ZNF136: variants seen among roughly 807,000 people sequenced by gnomAD.
ZNF136 encodes zinc finger protein 136.
ZNF136 carries 8 observed loss-of-function variants against 11.4 expected under a neutral mutation model. The ratio of observed to expected loss-of-function variants is 0.70; its 90% CI spans 0.41 to 1.27. The LOEUF is 1.27. ZNF136 is among the 50% of genes most tolerant of loss of function. The probability of loss-of-function intolerance (pLI) is 0.01; values close to 1 mark genes in which losing one functional copy is unlikely to be tolerated. For missense variants in ZNF136, 590 were observed against 656.5 expected (o/e 0.90, Z 1.11); for synonymous variants, 190 against 207.1 (o/e 0.92, Z 0.71).
chr19:12,187,558 TGTAAG>T lies in ZNF136; in HGVS notation c.1184_1188del (p.Lys395MetfsTer15). On this transcript the variant is annotated frameshift_variant, in exon 4 of 4. Transcript: ENST00000343979. LOFTEE classifies it low-confidence loss of function (END_TRUNC). Reference sequence around the variant, plus strand: ...ACATACTGGAGAAGGACCTTATAAATGTAAGGTATGTGGGAAACCCTTTCATTCTC... The same window carrying T: ...ACATACTGGAGAAGGACCTTATAAATGTATGTGGGAAACCCTTTCATTCTC... 2 of 1,614,046 alleles carry T rather than the reference TGTAAG, an allele frequency of 1.2e-6. No individual in the cohort carries two copies. The highest frequency in any genetic ancestry group is 1.7e-6 in the Non-Finnish European group (2 of 1,179,996).
At chr19:12,178,738 C>A (rs1295485261) in intron 1 of ZNF136, among the ~76,000 whole-genome samples, 2 of 151,952 alleles carry the variant, frequency 1.3e-5, no homozygotes, top group South Asian at 2.1e-4. Flanking sequence ...CGCCTGTAAT[C>A]CCAGTACTTT....
At position 12,177,951 on chromosome 19, in the gene ZNF136, T is replaced by C. The variant is rs988714687; in HGVS notation, c.4-7834T>C. Among the ~76,000 whole-genome samples the C allele has an allele frequency of 3.9e-5, 6 of 152,070 alleles. No individual in the cohort carries two copies. The South Asian group carries it at 8.3e-4, about 21-fold the overall frequency. Reference sequence around the variant, plus strand: ...GGCAAAACCTCATCTCTACCAAATATACAAAAAATTAGCTGAGCATTGTGG... The same window carrying C: ...GGCAAAACCTCATCTCTACCAAATACACAAAAAATTAGCTGAGCATTGTGG... On this transcript the variant is annotated intron_variant, in intron 1 of 3. Coordinates refer to ENST00000343979, the MANE Select transcript of ZNF136 (RefSeq NM_003437.5).
intron 1 of ZNF136, chr19:12,164,825 C>G (rs1242152175): frequency 6.6e-6 from 1 of 152,252 alleles, no homozygotes; most frequent in Non-Finnish European, 1.5e-5. Context: ...CAATCACCTT[C>G]TAACTCCCTG....
At chr19:12,177,397 C>T (rs1187386972) in intron 1 of ZNF136, among the ~76,000 whole-genome samples, 1 of 152,212 alleles carries the variant, frequency 6.6e-6, no homozygotes, top group Non-Finnish European at 1.5e-5. Context: ...GGCTGAAGTG[C>T]AGTGGCGCGA....
chr19:12,181,372 T>C (rs1175434862), intron 1 of ZNF136, among the ~76,000 whole-genome samples: 2 of 152,218 alleles, frequency 1.3e-5, no homozygotes, highest in Non-Finnish European at 2.9e-5. Context: ...AACTGCTAAA[T>C]TGTAGGTATA....
In ZNF136 at chr19:12,187,283, A is replaced by C. The variant is rs1310407463; in HGVS notation, c.905A>C (p.His302Pro). 6.2e-7 allele frequency: 1 copy of C among 1,614,172 alleles called. No individual in the cohort carries two copies. The highest frequency in any genetic ancestry group is 1.7e-5 in the Admixed American group (1 of 60,020). The change falls in exon 4 of 4, where the codon CAT becomes CCT. Residue 302 changes from histidine to proline, a missense_variant. By Grantham distance (77) the His-to-Pro change is moderately conservative (BLOSUM62 -2). Coordinates refer to ENST00000343979, the MANE Select transcript of ZNF136 (RefSeq NM_003437.5). ...SPTLRIHERTHTGEKPYECKQ... is the reference protein window; with the variant it reads ...SPTLRIHERTPTGEKPYECKQ... The stretch of plus-strand genomic sequence containing the variant: ...ACCTTACGAATACATGAAAGAACCC[A>C]TACTGGAGAGAAACCTTATGAATGC...
chr19:12,165,471 CA>C (rs1343202015), intron 1 of ZNF136, among the ~76,000 whole-genome samples: 1 of 152,192 alleles, frequency 6.6e-6, no homozygotes, highest in Non-Finnish European at 1.5e-5. Context: ...AGGTAGATTT[CA>C]GGGGGAAAGA....
At chr19:12,176,388 G>A (rs1345577068) in intron 1 of ZNF136, among the ~76,000 whole-genome samples, 3 of 151,880 alleles carry the variant, frequency 2.0e-5, no homozygotes, top group Non-Finnish European at 4.4e-5. Flanking sequence ...CTGCAGTGGC[G>A]GGATCTCGGC....
At chr19:12,173,300 CT>C (rs1379967555) in intron 1 of ZNF136, among the ~76,000 whole-genome samples, 2 of 152,150 alleles carry the variant, frequency 1.3e-5, no homozygotes, top group African/African-American at 4.8e-5. Flanking sequence ...AGTCCATACT[CT>C]TTTTGTCCAA....
intron 1 of ZNF136, among the ~76,000 whole-genome samples, chr19:12,181,497 G>C (rs1914941449): frequency 6.7e-6 from 1 of 149,766 alleles, no homozygotes; most frequent in Non-Finnish European, 1.5e-5. Context: ...TTTTTTGGTG[G>C]AGTCTCATTC....
chr19:12,178,948 C>T (rs757991927), intron 1 of ZNF136, among the ~76,000 whole-genome samples: 14 of 151,100 alleles, frequency 9.3e-5, no homozygotes, highest in Non-Finnish European at 1.6e-4. Context: ...GAGATCATGC[C>T]ACTGCACTCC....
At chr19:12,171,753 T>C (rs896019885) in intron 1 of ZNF136, among the ~76,000 whole-genome samples, 2 of 151,870 alleles carry the variant, frequency 1.3e-5, no homozygotes, top group Non-Finnish European at 2.9e-5. Context: ...TGGGGAAGGG[T>C]ACTCTTCTTG....
intron 1 of ZNF136, chr19:12,169,356 G>GAGGGAGCATTTCCACACTGAGA (rs1914577712): frequency 6.6e-6 from 1 of 152,290 alleles, no homozygotes. Flanking sequence ...GACCCTGGAG[G>GAGGGAGCATTTCCACACTGAGA]AGGGAGCATT....
At chr19:12,168,431 T>A (rs924395893) in intron 1 of ZNF136, among the ~76,000 whole-genome samples, 1 of 152,036 alleles carries the variant, frequency 6.6e-6, no homozygotes, top group African/African-American at 2.4e-5. Flanking sequence ...GTTCTGTTAA[T>A]GTAAAAATTC....
At chr19:12,182,703 C>T (rs1006410452) in intron 1 of ZNF136, among the ~76,000 whole-genome samples, 1 of 152,194 alleles carries the variant, frequency 6.6e-6, no homozygotes, top group African/African-American at 2.4e-5. Flanking sequence ...GAAAACCCAC[C>T]TCTGCCAGGT....
intron 1 of ZNF136, among the ~76,000 whole-genome samples, chr19:12,171,623 C>T (rs911776082): frequency 6.6e-6 from 1 of 151,836 alleles, no homozygotes; most frequent in Non-Finnish European, 1.5e-5. Flanking sequence ...ATAGGGATTG[C>T]TAATATTTTG....
chr19:12,186,741 C>G lies in ZNF136; in HGVS notation c.363C>G (p.Ile121Met), dbSNP rs570437034. The G allele has an allele frequency of 6.2e-7, 1 of 1,614,058 alleles. No homozygotes were observed. Among genetic ancestry groups the G allele is most frequent in the African/African-American group, 1.3e-5 (1 of 75,014 alleles). ...GTCAGTCATCCCTTAATAGACACAT[C>G]AAAGATCACAGTGGACATGAACCAA... ...SMGQSSLNRH[I>M]KDHSGHEPKE... is the part of the protein sequence containing the mutation. The change falls in exon 4 of 4, where the codon ATC (isoleucine) becomes ATG (methionine). Residue 121 changes from isoleucine (I) to methionine (M), a missense_variant. Transcript: ENST00000343979.
rs1914524044 is a variant in ZNF136, at chr19:12,168,021, T to C, written c.3+4815T>C. The stretch of plus-strand genomic sequence containing the variant: ...TTTTTTAAAAAATAAAGCCAGATAC[T>C]GACTACAAATGCCCATTTTTTTTTC... On this transcript the variant is annotated intron_variant, in intron 1 of 3. Transcript: ENST00000343979. 2.0e-5 allele frequency among the ~76,000 whole-genome samples: 3 copies of C among 150,010 alleles called. No homozygotes were observed. The South Asian group carries it at 6.4e-4, about 32-fold the overall frequency.
At chr19:12,168,844 T>G (rs1445425875) in intron 1 of ZNF136, among the ~76,000 whole-genome samples, 1 of 151,908 alleles carries the variant, frequency 6.6e-6, no homozygotes, top group African/African-American at 2.4e-5. Flanking sequence ...CCCGGCTAAT[T>G]TTTTTGTATT....
Sources: allele counts gnomAD v4.1 joint callset (sites outside exome capture counted in the v4.1 genomes callset), GRCh38; gene constraint gnomAD v4.1.1; transcripts MANE v1.5; gene names NCBI Gene and HGNC (gene_info 2026-07-23, HGNC 2026-07-21).